Variants in PRKG2 observed in about 807,000 individuals in gnomAD.
PRKG2 encodes the protein cGMP-dependent protein kinase 2.
PRKG2 carries 33 observed loss-of-function variants against 97.2 expected under a neutral mutation model. The ratio of observed to expected loss-of-function variants is 0.34; its 90% CI spans 0.26 to 0.45. The LOEUF (loss-of-function observed/expected upper bound fraction) is 0.45. Among genes scored for constraint, PRKG2 ranks in the 20% least tolerant of loss-of-function variants. The pLI is 1.00. For synonymous variants in PRKG2, 330 were observed against 321.8 expected (o/e 1.03, Z -0.27); for missense variants, 638 against 900.0 (o/e 0.71, Z 3.73).
At chr4:81,166,128 T>C (rs1292889323) in intron 6 of PRKG2, among the ~76,000 whole-genome samples, 3 of 152,160 alleles carry the variant, frequency 2.0e-5, no homozygotes, top group Admixed American at 1.3e-4. Flanking sequence ...TGTGTCATCA[T>C]GGTCTGTCCT....
chr4:81,166,737 T>G (rs1750020406), intron 6 of PRKG2, among the ~76,000 whole-genome samples: 1 of 152,092 alleles, frequency 6.6e-6, no homozygotes, highest in South Asian at 2.1e-4. Context: ...ACAGCCTGAC[T>G]CAGAGGCTTG....
chr4:81,101,049 TAA>T (rs1742701526), intron 17 of PRKG2, among the ~76,000 whole-genome samples: 1 of 151,896 alleles, frequency 6.6e-6, no homozygotes, highest in Admixed American at 6.6e-5. Context: ...TGGCGATCAT[TAA>T]AAAGTCAGGA....
intron 11 of PRKG2, among the ~76,000 whole-genome samples, chr4:81,142,006 A>G (rs1245558675): frequency 6.6e-6 from 1 of 152,204 alleles, no homozygotes; most frequent in African/African-American, 2.4e-5. Flanking sequence ...AAGATAAGGT[A>G]TGGTGAATCC....
intron 2 of PRKG2, among the ~76,000 whole-genome samples, chr4:81,195,485 C>T (rs1054082925): frequency 3.3e-5 from 5 of 152,044 alleles, no homozygotes; most frequent in African/African-American, 9.7e-5. Flanking sequence ...CAACCATCAC[C>T]ACCATCTATC....
rs190906769 is a variant in PRKG2 at position 81,203,371 on chromosome 4, T to A, written c.461+1216A>T. ...AACTTCCTTCACAAATATTTATTGA[T>A]CATTCACTATGCTTCCAGTACTGTC... On this transcript the variant is annotated intron_variant, in intron 2 of 18. Coordinates refer to ENST00000264399, the MANE Select transcript of PRKG2 (RefSeq NM_006259.3). 7.9e-5 allele frequency among the ~76,000 whole-genome samples: 12 copies of A among 152,294 alleles called. No homozygotes were observed. In the East Asian group the frequency reaches 2.3e-3, roughly 29 times the overall value.
At chr4:81,187,025 C>T (rs1030418438) in intron 2 of PRKG2, among the ~76,000 whole-genome samples, 2 of 152,066 alleles carry the variant, frequency 1.3e-5, no homozygotes, top group Admixed American at 1.3e-4. Flanking sequence ...GACAGATTCA[C>T]AGCGAAATTC....
chr4:81,134,155 C>T (rs1016708750), intron 14 of PRKG2, among the ~76,000 whole-genome samples: 2 of 151,872 alleles, frequency 1.3e-5, no homozygotes, highest in Non-Finnish European at 2.9e-5. Flanking sequence ...ACTCTTTTAC[C>T]ACAGAGAAAA....
At position 81,107,547 on chromosome 4, in the gene PRKG2, T is replaced by G. The variant is rs549977066; in HGVS notation, c.1941-1612A>C. Among the ~76,000 whole-genome samples, 92 of 152,218 alleles carry G rather than the reference T, an allele frequency of 6.0e-4. 1 individual carries two copies. Among genetic ancestry groups the G allele is most frequent in the African/African-American group, 2.1e-3 (86 of 41,546 alleles). On this transcript the variant is annotated intron_variant, in intron 15 of 18. Coordinates refer to ENST00000264399, the MANE Select transcript of PRKG2 (RefSeq NM_006259.3). ...CTATTTATTTTAGAGGGAGTCTCAC[T>G]CTGTCATCAGGCTGGAGTGCAGTGG...
intron 14 of PRKG2, among the ~76,000 whole-genome samples, chr4:81,127,607 G>C (rs1745732936): frequency 6.6e-6 from 1 of 152,112 alleles, no homozygotes; most frequent in African/African-American, 2.4e-5. Flanking sequence ...TTGTGAAAAG[G>C]AGTTCACTCA....
rs574568743 is a variant in PRKG2 at position 81,187,450 on chromosome 4, G to C, written c.462-12491C>G. On this transcript the variant is annotated intron_variant, in intron 2 of 18. Transcript: ENST00000264399. Reference sequence around the variant, plus strand: ...CCCCTATGTGCTAAAAACTCTCAATGAACTACGAGCGTATCTCAGAATAAT... The same window carrying C: ...CCCCTATGTGCTAAAAACTCTCAATCAACTACGAGCGTATCTCAGAATAAT... 2.2e-3 allele frequency among the ~76,000 whole-genome samples: 331 copies of C among 149,018 alleles called. 3 individuals carry two copies. The highest frequency in any genetic ancestry group is 7.8e-3 in the African/African-American group (322 of 41,036).
chr4:81,137,388 A>G lies in PRKG2; in HGVS notation c.1634+5T>C. 10 of 1,597,352 alleles carry G rather than the reference A, an allele frequency of 6.3e-6. No individual in the cohort carries two copies. Among genetic ancestry groups the G allele is most frequent in the Non-Finnish European group, 8.6e-6 (10 of 1,165,032 alleles). ...CAGATGTGAGTATACAAACTTTTTCATTACCTGTCCCTTAATATACTCCAG... is the reference window on the plus strand; with the variant it reads ...CAGATGTGAGTATACAAACTTTTTCGTTACCTGTCCCTTAATATACTCCAG... On this transcript the variant is annotated splice_donor_5th_base_variant and intron_variant, in intron 13 of 18. Transcript: ENST00000264399.
intron 1 of PRKG2, among the ~76,000 whole-genome samples, chr4:81,212,588 C>T (rs888197794): frequency 2.6e-5 from 4 of 152,060 alleles, no homozygotes; most frequent in Non-Finnish European, 5.9e-5. Flanking sequence ...TTTGGATATA[C>T]TCAGTTTGAA....
At chr4:81,162,255 A>G (rs11722019) in intron 6 of PRKG2, among the ~76,000 whole-genome samples, 58,353 of 152,096 alleles carry the variant, frequency 0.38, 16,928 homozygotes, top group African/African-American at 0.8. Flanking sequence ...AAGAGGCTGT[A>G]AGCTGGTCAC....
chr4:81,216,931 G>C (rs1578540186), upstream of PRKG2, among the ~76,000 whole-genome samples: 1 of 135,274 alleles, frequency 7.4e-6, no homozygotes, highest in Non-Finnish European at 1.6e-5. Flanking sequence ...GTGTGTGTGT[G>C]TAGTACCCCT....
rs59866145 is a variant in PRKG2, at chr4:81,092,465, A to AAAGGAAGG, written c.2127-21_2127-14dup. 181,956 of 922,062 alleles carry AAAGGAAGG rather than the reference A, an allele frequency of 0.2. 30,453 individuals carry two copies. Among genetic ancestry groups the AAAGGAAGG allele is most frequent in the East Asian group, 0.56 (20,374 of 36,162 alleles). 57.1% of individuals were successfully genotyped at this position (922,062 alleles called of 1,614,324 possible). On this transcript the variant is annotated splice_polypyrimidine_tract_variant and intron_variant, in intron 17 of 18. Transcript: ENST00000264399. ...ACCATTTAACCACCTGAGAAATGAG[A>AAAGGAAGG]AAGGAAGGAAGGAAGGAAGGAAGGA... is the stretch of plus-strand genomic sequence containing the variant.
At chr4:81,215,238 G>A (rs1754225944), upstream of PRKG2, 2 of 152,308 alleles carry the variant, frequency 1.3e-5, no homozygotes, top group Non-Finnish European at 2.9e-5. Context: ...AGACACGCAG[G>A]GAGGGAGGGA....
chr4:81,129,583 T>G (rs529034730), intron 14 of PRKG2, among the ~76,000 whole-genome samples: 6 of 152,200 alleles, frequency 3.9e-5, no homozygotes, highest in Non-Finnish European at 7.3e-5. Flanking sequence ...TTTACCACTA[T>G]GTAATGCCCT....
chr4:81,162,141 T>C (rs1248074381), intron 6 of PRKG2, among the ~76,000 whole-genome samples: 2 of 152,194 alleles, frequency 1.3e-5, no homozygotes, highest in African/African-American at 4.8e-5. Context: ...TTATATTTAC[T>C]ACTACACCTA....
intron 6 of PRKG2, among the ~76,000 whole-genome samples, chr4:81,157,257 G>A (rs1224028456): frequency 1.4e-4 from 21 of 152,068 alleles, no homozygotes; most frequent in African/African-American, 1.9e-4. Flanking sequence ...TATCACCACC[G>A]ATCCCACAGA....
Sources: gnomAD v4.1 joint callset for allele counts (sites outside exome capture counted in the v4.1 genomes callset) on GRCh38, gnomAD v4.1.1 for gene constraint, MANE v1.5 for transcripts, NCBI Gene and HGNC (gene_info 2026-07-23, HGNC 2026-07-21) for gene names.